The following BEND6 variants were observed in gnomAD, a reference collection of about 807,000 sequenced individuals.
BEND6 encodes the protein BEN domain-containing protein 6.
BEND6 carries 24 observed loss-of-function variants against 31.8 expected under a neutral mutation model. The ratio of observed to expected loss-of-function variants is 0.75; its 90% CI spans 0.55 to 1.06. The LOEUF (loss-of-function observed/expected upper bound fraction) is 1.06, where lower values mean the gene tolerates loss of function less well. BEND6 is among the 50% of genes least tolerant of loss of function. The pLI is 0.00. For synonymous variants in BEND6, 109 were observed against 114.6 expected, an observed-to-expected ratio of 0.95 and a Z score of 0.31; for missense variants, 294 against 327.4, an observed-to-expected ratio of 0.90 and a Z score of 0.79.
intron 1 of BEND6, among the ~76,000 whole-genome samples, chr6:56,978,244 C>G (rs930679544): frequency 6.6e-6 from 1 of 152,186 alleles, no homozygotes; most frequent in Admixed American, 6.5e-5. Context: ...GATCATGCCA[C>G]TGCACTCCAG....
chr6:56,976,491 A>G (rs943076272), intron 1 of BEND6, among the ~76,000 whole-genome samples: 12 of 151,102 alleles, frequency 7.9e-5, no homozygotes, highest in African/African-American at 2.9e-4. Context: ...CACCATGCCC[A>G]GCCGCGTTAG....
At chr6:57,021,818 T>C (rs959868757) in intron 6 of BEND6, among the ~76,000 whole-genome samples, 8 of 152,170 alleles carry the variant, frequency 5.3e-5, no homozygotes, top group African/African-American at 1.9e-4. Flanking sequence ...GGTGATCTAA[T>C]ACAGTGGTGC....
chr6:56,967,934 G>A (rs2127842215), intron 1 of BEND6, among the ~76,000 whole-genome samples: 1 of 152,312 alleles, frequency 6.6e-6, no homozygotes, highest in East Asian at 1.9e-4. Context: ...ACCACAAAGG[G>A]TGTCTGTGAG....
chr6:56,958,830 C>T (rs2127836211), intron 1 of BEND6, among the ~76,000 whole-genome samples: 1 of 152,124 alleles, frequency 6.6e-6, no homozygotes, highest in East Asian at 1.9e-4. Flanking sequence ...GGACTGGTGA[C>T]TAGGAGACCT....
chr6:56,984,226 CAA>C (rs1204048610), intron 2 of BEND6, among the ~76,000 whole-genome samples: 1 of 105,126 alleles, frequency 9.5e-6, no homozygotes, highest in Admixed American at 9.5e-5. Context: ...GTCTCAACAA[CAA>C]AAAAAAAAGC....
intron 1 of BEND6, among the ~76,000 whole-genome samples, chr6:56,971,139 C>T (rs1434799260): frequency 6.6e-6 from 1 of 152,192 alleles, no homozygotes; most frequent in Non-Finnish European, 1.5e-5. Flanking sequence ...TATTCCCTCA[C>T]TTCCCCTAGC....
chr6:57,007,017 C>T (rs541665358), intron 3 of BEND6, among the ~76,000 whole-genome samples: 7 of 152,254 alleles, frequency 4.6e-5, no homozygotes, highest in Middle Eastern at 3.4e-3. Flanking sequence ...GAGCCAGGCA[C>T]GGTGACTTAC....
intron 4 of BEND6, 142 bp downstream of exon 4, chr6:57,015,495 T>A: frequency 1.1e-6 from 1 of 915,796 alleles, no homozygotes; most frequent in Non-Finnish European, 1.6e-6. Flanking sequence ...AATTCTTAAG[T>A]ACCACAAAGA....
At position 57,001,147 on chromosome 6, in the gene BEND6, GAA is replaced by G. The variant is rs369386966; in HGVS notation, c.298+8596_298+8597del. On this transcript the variant is annotated intron_variant, in intron 3 of 6. Coordinates refer to ENST00000370746, the MANE Select transcript of BEND6 (RefSeq NM_152731.3). ...CAGACCCTCCAGGGTCAATGCTAAA[GAA>G]AAAGTCTTTTTTTTTTTTTTTTTGG... is the stretch of plus-strand genomic sequence containing the variant. 7.2e-3 allele frequency among the ~76,000 whole-genome samples: 892 copies of G among 124,480 alleles called. 8 individuals carry two copies. Among genetic ancestry groups the G allele is most frequent in the African/African-American group, 0.025 (844 of 33,882 alleles). 81.7% of individuals were successfully genotyped at this position (124,480 alleles called of 152,430 possible). A position where few individuals can be genotyped will look rare whatever the true frequency, so the allele number is the denominator to read the frequency against.
chr6:56,968,834 A>G (rs2008698), intron 1 of BEND6, among the ~76,000 whole-genome samples: 34,070 of 151,854 alleles, frequency 0.22, 3,968 homozygotes, highest in African/African-American at 0.24. Flanking sequence ...CCAGCACTTT[A>G]GGAGGCTGAA....
intron 1 of BEND6, among the ~76,000 whole-genome samples, chr6:56,977,179 C>T (rs2127848906): frequency 6.6e-6 from 1 of 152,194 alleles, no homozygotes; most frequent in Non-Finnish European, 1.5e-5. Context: ...CAACTATTAG[C>T]CTTTCAGCAA....
chr6:56,958,217 G>C (rs35553446), intron 1 of BEND6, among the ~76,000 whole-genome samples: 34,131 of 152,128 alleles, frequency 0.22, 3,969 homozygotes, highest in African/African-American at 0.24. Context: ...CCACTAATGG[G>C]TAGTAGGCCC....
intron 2 of BEND6, among the ~76,000 whole-genome samples, chr6:56,989,539 T>A (rs1826414405): frequency 6.6e-6 from 1 of 152,216 alleles, no homozygotes; most frequent in Admixed American, 6.5e-5. Context: ...GTCAAATGCT[T>A]TCCAGAGTAG....
chr6:56,991,055 A>T (rs1447245732), intron 2 of BEND6, among the ~76,000 whole-genome samples: 1 of 152,250 alleles, frequency 6.6e-6, no homozygotes, highest in African/African-American at 2.4e-5. Flanking sequence ...TGAAAACAAT[A>T]TTACTTGTAA....
chr6:56,998,131 C>T (rs886911668), intron 3 of BEND6, among the ~76,000 whole-genome samples: 4 of 152,084 alleles, frequency 2.6e-5, no homozygotes, highest in African/African-American at 7.2e-5. Context: ...ACAATGTTAA[C>T]GGCATGTTTA....
In BEND6 at chr6:57,024,995, G is replaced by T. The variant is rs541335682; in HGVS notation, c.*10-1087G>T. Among the ~76,000 whole-genome samples, 87 of 152,244 alleles carry T rather than the reference G, an allele frequency of 5.7e-4. 1 individual carries two copies. In the South Asian group the frequency reaches 0.018, roughly 31 times the overall value. On this transcript the variant is annotated intron_variant, in intron 6 of 6. Coordinates refer to ENST00000370746, the MANE Select transcript of BEND6 (RefSeq NM_152731.3). Reference sequence around the variant, plus strand: ...TCTCCACTTAATCCATTCTGCTGTTGAGAGCCTCTAATGAATTTTTCAGTT... The same window carrying T: ...TCTCCACTTAATCCATTCTGCTGTTTAGAGCCTCTAATGAATTTTTCAGTT...
At chr6:56,965,409 T>C (rs1264489992) in intron 1 of BEND6, among the ~76,000 whole-genome samples, 1 of 152,128 alleles carries the variant, frequency 6.6e-6, no homozygotes, top group Non-Finnish European at 1.5e-5. Context: ...TAACCAGTTA[T>C]TTCATTAATA....
chr6:57,011,416 T>C (rs576605296), intron 3 of BEND6, among the ~76,000 whole-genome samples: 8 of 152,248 alleles, frequency 5.3e-5, no homozygotes, highest in African/African-American at 1.9e-4. Context: ...CAAGAAGGTT[T>C]ATCAAAGCTT....
At chr6:56,977,303 A>G (rs916902659) in intron 1 of BEND6, among the ~76,000 whole-genome samples, 1 of 152,234 alleles carries the variant, frequency 6.6e-6, no homozygotes, top group Non-Finnish European at 1.5e-5. Context: ...GTTACTGCTC[A>G]GTTGTTTTTT....
Sources: allele counts gnomAD v4.1 joint callset (sites outside exome capture counted in the v4.1 genomes callset), GRCh38; gene constraint gnomAD v4.1.1; transcripts MANE v1.5; gene names NCBI Gene and HGNC (gene_info 2026-07-23, HGNC 2026-07-21).